PRKCE: variants seen among roughly 807,000 people sequenced by gnomAD.
PRKCE encodes the protein protein kinase C epsilon.
PRKCE carries 16 observed loss-of-function variants against 85.4 expected under a neutral mutation model. The ratio of observed to expected loss-of-function variants is 0.19; its 90% confidence interval spans 0.13 to 0.28. PRKCE has a LOEUF of 0.28. Among genes scored for constraint, PRKCE ranks in the 10% least tolerant of loss-of-function variants. The pLI is 1.00. For synonymous variants in PRKCE, 388 were observed against 371.5 expected, an observed-to-expected ratio of 1.04 and a Z score of -0.51; for missense variants, 573 against 975.2, an observed-to-expected ratio of 0.59 and a Z score of 5.49.
chr2:45,951,540 T>C (rs1025329982), intron 2 of PRKCE, among the ~76,000 whole-genome samples: 2 of 152,214 alleles, frequency 1.3e-5, no homozygotes, highest in Non-Finnish European at 2.9e-5. Context: ...CACACTTAGA[T>C]GTTAACCACA....
intron 2 of PRKCE, among the ~76,000 whole-genome samples, chr2:45,882,124 G>C (rs145896737): frequency 5.9e-5 from 9 of 152,286 alleles, no homozygotes; most frequent in African/African-American, 2.2e-4. Context: ...TTCTGCTTTG[G>C]TGACTTGTCT....
intron 1 of PRKCE, among the ~76,000 whole-genome samples, chr2:45,793,422 G>T (rs941114086): frequency 6.6e-6 from 1 of 152,156 alleles, no homozygotes; most frequent in African/African-American, 2.4e-5. Context: ...ATTATACCCA[G>T]ACTCCCCCAA....
At chr2:45,724,102 G>T (rs1680858435) in intron 1 of PRKCE, among the ~76,000 whole-genome samples, 1 of 152,172 alleles carries the variant, frequency 6.6e-6, no homozygotes, top group Non-Finnish European at 1.5e-5. Context: ...GCACTTCGCA[G>T]ATGTTGTGCT....
chr2:45,940,640 ACT>A (rs1491383536), intron 2 of PRKCE, among the ~76,000 whole-genome samples: 52 of 151,964 alleles, frequency 3.4e-4, no homozygotes, highest in Middle Eastern at 3.4e-3. Context: ...CACAGCGCAC[ACT>A]CTTGCGCTCA....
intron 10 of PRKCE, among the ~76,000 whole-genome samples, chr2:46,051,493 C>A (rs1708856397): frequency 6.6e-6 from 1 of 152,182 alleles, no homozygotes; most frequent in Admixed American, 6.5e-5. Context: ...AGTGCCCTTG[C>A]CATTCTTCTC....
At chr2:46,113,846 G>A (rs910432033) in intron 11 of PRKCE, among the ~76,000 whole-genome samples, 22 of 152,276 alleles carry the variant, frequency 1.4e-4, no homozygotes, top group Admixed American at 3.3e-4. Flanking sequence ...ACTCCTGAAC[G>A]AGGACCAGCC....
chr2:46,018,685 G>A (rs914686802), intron 10 of PRKCE, among the ~76,000 whole-genome samples: 5 of 152,126 alleles, frequency 3.3e-5, no homozygotes, highest in Admixed American at 2.6e-4. Context: ...CTAACATTTC[G>A]ATGTGTATCA....
Position 46,007,559 on chromosome 2 carries a change from G to A in PRKCE, c.1161G>A (p.Met387Ile). Residue 387 changes from methionine (M) to isoleucine (I), a missense_variant, in exon 9 of 15, where the codon ATG becomes ATA. Transcript: ENST00000306156. ...RAASSPDGQL[M>I]SPGENGEVRQ... ...CATCGTCTCCTGATGGCCAGCTGAT[G>A]AGCCCCGGTGAGAATGGCGAAGTCC... 6.3e-7 allele frequency: 1 copy of A among 1,599,800 alleles called. No individual in the cohort carries two copies. Among genetic ancestry groups the A allele is most frequent in the Non-Finnish European group, 8.5e-7 (1 of 1,179,970 alleles).
At chr2:45,949,817 A>G (rs926513333) in intron 2 of PRKCE, among the ~76,000 whole-genome samples, 4 of 150,142 alleles carry the variant, frequency 2.7e-5, no homozygotes, top group Non-Finnish European at 4.4e-5. Context: ...TGTCCCGCTG[A>G]TACACCATGT....
Position 46,021,200 on chromosome 2 carries a change from T to C in PRKCE, c.1437+10683T>C, listed in dbSNP as rs560360905. ...GAGTCCTGCTGCTGTTGCAGGCTCA[T>C]GCTAGGAAGCCGTGAGGAAGACAAC... On this transcript the variant is annotated intron_variant, in intron 10 of 14. Transcript: ENST00000306156. Among the ~76,000 whole-genome samples the C allele has an allele frequency of 1.1e-4, 17 of 152,276 alleles. No homozygotes were observed. In the South Asian group the frequency reaches 3.5e-3, roughly 32 times the overall value.
At chr2:45,936,585 A>C (rs2104134791) in intron 2 of PRKCE, among the ~76,000 whole-genome samples, 1 of 152,264 alleles carries the variant, frequency 6.6e-6, no homozygotes, top group South Asian at 2.1e-4. Context: ...CTCTGGTGGA[A>C]GGGTTTGGAA....
chr2:45,658,248 T>C (rs1403701091), intron 1 of PRKCE, among the ~76,000 whole-genome samples: 1 of 152,194 alleles, frequency 6.6e-6, no homozygotes, highest in African/African-American at 2.4e-5. Context: ...AATCCAATAT[T>C]GCTCTCATTG....
At chr2:45,828,177 C>T (rs1232947929) in intron 1 of PRKCE, among the ~76,000 whole-genome samples, 1 of 152,180 alleles carries the variant, frequency 6.6e-6, no homozygotes, top group Non-Finnish European at 1.5e-5. Context: ...ATGTGGACTG[C>T]CTCACCTCAC....
intron 1 of PRKCE, among the ~76,000 whole-genome samples, chr2:45,664,264 G>C (rs1040240284): frequency 6.6e-6 from 1 of 152,168 alleles, no homozygotes; most frequent in Admixed American, 6.5e-5. Context: ...ATGGGCTTTG[G>C]AGTTAGTCCT....
Position 45,888,363 on chromosome 2 carries a change from T to C in PRKCE, c.412+45300T>C, listed in dbSNP as rs1695450961. Among the ~76,000 whole-genome samples the C allele has an allele frequency of 3.3e-5, 5 of 152,206 alleles. No individual in the cohort carries two copies. In the South Asian group the frequency reaches 1.0e-3, roughly 32 times the overall value. ...ACTATGCTAATGTTTGTTGTGAATC[T>C]CTAGATGTGGATACAGCATACAAGG... is the stretch of plus-strand genomic sequence containing the variant. On this transcript the variant is annotated intron_variant, in intron 2 of 14. Coordinates refer to ENST00000306156, the MANE Select transcript of PRKCE (RefSeq NM_005400.3).
intron 1 of PRKCE, among the ~76,000 whole-genome samples, chr2:45,817,409 T>A (rs1392626946): frequency 1.3e-5 from 2 of 152,146 alleles, no homozygotes; most frequent in South Asian, 4.1e-4. Context: ...AAAAAAACTT[T>A]CCGGCTGGGC....
intron 1 of PRKCE, among the ~76,000 whole-genome samples, chr2:45,662,648 C>G (rs985059949): frequency 6.6e-6 from 1 of 151,652 alleles, no homozygotes; most frequent in African/African-American, 2.4e-5. Context: ...TATTATTCTC[C>G]ATGAAGTTTA....
intron 2 of PRKCE, among the ~76,000 whole-genome samples, chr2:45,968,696 CA>C (rs1701898557): frequency 6.6e-6 from 1 of 152,132 alleles, no homozygotes; most frequent in Non-Finnish European, 1.5e-5. Context: ...AATCTAAGAA[CA>C]CTGAGGTTGT....
chr2:46,107,677 C>T (rs1671861749), intron 11 of PRKCE, among the ~76,000 whole-genome samples: 1 of 152,244 alleles, frequency 6.6e-6, no homozygotes, highest in Non-Finnish European at 1.5e-5. Flanking sequence ...TTTCTATCAA[C>T]AGTGAGTGAA....
Sources: allele counts gnomAD v4.1 joint callset (sites outside exome capture counted in the v4.1 genomes callset), GRCh38; gene constraint gnomAD v4.1.1; transcripts MANE v1.5; gene names NCBI Gene and HGNC (gene_info 2026-07-23, HGNC 2026-07-21).